KIAA1958: variants seen among roughly 807,000 people sequenced by gnomAD.
The protein encoded by KIAA1958 is uncharacterized protein KIAA1958.
Under a neutral mutation model 47.2 loss-of-function variants are expected in KIAA1958, and 14 were observed. The ratio of observed to expected loss-of-function variants is 0.30; its 90% confidence interval spans 0.20 to 0.46. The LOEUF (loss-of-function observed/expected upper bound fraction) is 0.46. KIAA1958 is among the 20% of genes least tolerant of loss of function. The pLI is 1.00. For synonymous variants in KIAA1958, 354 were observed against 353.3 expected (o/e 1.00, Z -0.02); for missense variants, 803 against 909.2 (o/e 0.88, Z 1.50).
At chr9:112,535,660 A>G (rs1194894816) in intron 1 of KIAA1958, among the ~76,000 whole-genome samples, 6 of 152,172 alleles carry the variant, frequency 3.9e-5, no homozygotes, top group Non-Finnish European at 7.3e-5. Context: ...ACTCTTTTCC[A>G]TAATGGCTAT....
intron 2 of KIAA1958, among the ~76,000 whole-genome samples, chr9:112,629,049 G>T (rs1161510190): frequency 1.3e-5 from 2 of 152,154 alleles, no homozygotes; most frequent in African/African-American, 4.8e-5. Flanking sequence ...TAGAATGAAT[G>T]CTGTATTCAA....
At chr9:112,617,748 C>T (rs544909059) in intron 2 of KIAA1958, 2 of 731,800 alleles carry the variant, frequency 2.7e-6, no homozygotes, top group South Asian at 2.1e-5. Context: ...TATCAGTGAT[C>T]TCCGTAAAAC....
chr9:112,664,965 A>G lies in KIAA1958; in HGVS notation c.*4896A>G, dbSNP rs964875590. 2 of 152,216 alleles carry G rather than the reference A, an allele frequency of 1.3e-5. No homozygotes were observed. The highest frequency in any genetic ancestry group is 2.9e-5 in the Non-Finnish European group (2 of 68,044). 9.4% of individuals were successfully genotyped at this position (152,216 alleles called of 1,614,324 possible). On this transcript the variant is annotated 3_prime_UTR_variant, in exon 4 of 4. Transcript: ENST00000337530. ...GAATATTCCTTGTTCATTACAGTCCAGAAAATCTGCAGAAGTTCTCCATGT... is the reference window on the plus strand; with the variant it reads ...GAATATTCCTTGTTCATTACAGTCCGGAAAATCTGCAGAAGTTCTCCATGT...
At chr9:112,594,079 G>C (rs1445877332) in intron 2 of KIAA1958, among the ~76,000 whole-genome samples, 1 of 152,036 alleles carries the variant, frequency 6.6e-6, no homozygotes, top group East Asian at 1.9e-4. Flanking sequence ...TGCCCCAGCT[G>C]GTCTCAAACT....
intron 3 of KIAA1958, among the ~76,000 whole-genome samples, chr9:112,655,149 A>T (rs1274057587): frequency 6.6e-6 from 1 of 152,150 alleles, no homozygotes; most frequent in Non-Finnish European, 1.5e-5. Context: ...TCTAAATTTG[A>T]ATTTGAATTT....
chr9:112,599,867 G>T (rs1246143840), intron 2 of KIAA1958, among the ~76,000 whole-genome samples: 10 of 152,186 alleles, frequency 6.6e-5, no homozygotes, highest in Non-Finnish European at 8.8e-5. Flanking sequence ...TCTTGATTCA[G>T]TGTCTCTGGC....
At chr9:112,559,773 A>C (rs1835295891) in intron 1 of KIAA1958, among the ~76,000 whole-genome samples, 1 of 152,202 alleles carries the variant, frequency 6.6e-6, no homozygotes. Context: ...TCTGAGACAG[A>C]ATTTTCAGAT....
intron 1 of KIAA1958, among the ~76,000 whole-genome samples, chr9:112,492,315 A>G (rs751870078): frequency 6.6e-6 from 1 of 152,146 alleles, no homozygotes; most frequent in African/African-American, 2.4e-5. Context: ...CCCTCTGTGT[A>G]TGTGTGTGTC....
chr9:112,646,987 A>G (rs1200096958), intron 3 of KIAA1958, among the ~76,000 whole-genome samples: 2 of 152,234 alleles, frequency 1.3e-5, no homozygotes, highest in East Asian at 1.9e-4. Context: ...AGTCTTGCAA[A>G]TAGAGGTCAT....
intron 1 of KIAA1958, among the ~76,000 whole-genome samples, chr9:112,492,643 A>G (rs56394129): frequency 0.065 from 9,915 of 152,126 alleles, 410 homozygotes; most frequent in Non-Finnish European, 0.097. Context: ...AATATGATCA[A>G]CTCTATATAT....
At chr9:112,593,369 G>A (rs1835958103) in intron 2 of KIAA1958, among the ~76,000 whole-genome samples, 1 of 152,092 alleles carries the variant, frequency 6.6e-6, no homozygotes, top group Admixed American at 6.6e-5. Flanking sequence ...GCCACGGAGG[G>A]GGTCAGTGAA....
chr9:112,573,442 C>T (rs1835573673), intron 1 of KIAA1958, among the ~76,000 whole-genome samples: 1 of 152,174 alleles, frequency 6.6e-6, no homozygotes, highest in Non-Finnish European at 1.5e-5. Context: ...AGTCTGTTCT[C>T]CCTTCTCTGC....
chr9:112,653,992 G>A (rs1287219730), intron 3 of KIAA1958, among the ~76,000 whole-genome samples: 1 of 152,128 alleles, frequency 6.6e-6, no homozygotes, highest in East Asian at 1.9e-4. Flanking sequence ...GTCACTTCTG[G>A]TTAAAATAAG....
chr9:112,586,724 C>T (rs1835828053), intron 2 of KIAA1958, among the ~76,000 whole-genome samples: 1 of 152,122 alleles, frequency 6.6e-6, no homozygotes, highest in South Asian at 2.1e-4. Context: ...AGCTGTAAAC[C>T]TCAGAATATA....
intron 3 of KIAA1958, among the ~76,000 whole-genome samples, chr9:112,654,389 CCTT>C (rs1440588535): frequency 6.6e-6 from 1 of 152,096 alleles, no homozygotes; most frequent in Non-Finnish European, 1.5e-5. Context: ...CAATCAGAAT[CCTT>C]CTTTTTGGTG....
At chr9:112,616,650 T>C (rs1456401207) in intron 2 of KIAA1958, among the ~76,000 whole-genome samples, 5 of 152,228 alleles carry the variant, frequency 3.3e-5, no homozygotes, top group South Asian at 4.1e-4. Context: ...CCTGTTTCTG[T>C]TTTTTATTTC....
Position 112,582,722 on chromosome 9 carries a change from G to GAA in KIAA1958, c.1171+7484_1171+7485dup, listed in dbSNP as rs768292925. On this transcript the variant is annotated intron_variant, in intron 2 of 3. Coordinates refer to ENST00000337530, the MANE Select transcript of KIAA1958 (RefSeq NM_133465.4). ...AGGGAGGAGAAACAGCAATAGCCCT[G>GAA]AAAAAAAAAAAAAACAGACAAAAAA... 2.2e-3 allele frequency: 266 copies of GAA among 121,842 alleles called. 1 individual carries two copies. Among genetic ancestry groups the GAA allele is most frequent in the Middle Eastern group, 8.2e-3 (2 of 244 alleles). The allele number at this position is 121,842 out of a possible 1,614,324, so 7.5% of individuals were successfully genotyped here.
At chr9:112,653,298 T>C (rs746309359) in intron 3 of KIAA1958, among the ~76,000 whole-genome samples, 2 of 152,090 alleles carry the variant, frequency 1.3e-5, no homozygotes, top group African/African-American at 2.4e-5. Context: ...AGCTGGAAAA[T>C]AGAGTACAAA....
rs1001366859 is a variant in KIAA1958, at chr9:112,508,922, A to G, written c.-25+21804A>G. 6.8e-4 allele frequency among the ~76,000 whole-genome samples: 103 copies of G among 152,230 alleles called. 3 individuals are homozygous for G. The highest frequency in any genetic ancestry group is 8.8e-5 in the Non-Finnish European group (6 of 68,046). ...CCATTCACTAATATAGTACTTTTGC[A>G]AAATGAGCAAACATAGCCTGCATTT... is the stretch of plus-strand genomic sequence containing the variant. On this transcript the variant is annotated intron_variant, in intron 1 of 3. Transcript: ENST00000337530.
Sources: allele counts gnomAD v4.1 joint callset (sites outside exome capture counted in the v4.1 genomes callset), GRCh38; gene constraint gnomAD v4.1.1; transcripts MANE v1.5; gene names NCBI Gene and HGNC (gene_info 2026-07-23, HGNC 2026-07-21).